Variants in KDR observed in about 807,000 individuals in gnomAD.
The protein encoded by KDR is vascular endothelial growth factor receptor 2.
In KDR, 43 loss-of-function variants were observed where a neutral mutation model predicts 160.9. The ratio of observed to expected loss-of-function variants is 0.27; its 90% CI spans 0.21 to 0.34. The LOEUF (loss-of-function observed/expected upper bound fraction) is 0.34, where lower values mean the gene tolerates loss of function less well. Ranked by LOEUF, KDR falls within the 10% of genes least tolerant of loss-of-function variation. KDR has a pLI of 1.00. For missense variants in KDR, 1,469 were observed against 1,666.4 expected, an observed-to-expected ratio of 0.88 and a Z score of 2.06; for synonymous variants, 617 against 600.1, an observed-to-expected ratio of 1.03 and a Z score of -0.41.
rs1719677692 is a variant in KDR, at chr4:55,079,640, T to C, written c.*301A>G. ...CTTCTTTGAGGATGGGGCCATTTCT[T>C]GAACGTCTTTGTTCTAAACCCATGG... On this transcript the variant is annotated 3_prime_UTR_variant, in exon 30 of 30. Transcript: ENST00000263923. 1 of 457,824 alleles carries C rather than the reference T, an allele frequency of 2.2e-6. No individual in the cohort carries two copies. The highest frequency in any genetic ancestry group is 1.9e-5 in the African/African-American group (1 of 51,428). The allele number at this position is 457,824 out of a possible 1,614,324, so 28.4% of individuals were successfully genotyped here.
In KDR at chr4:55,098,289, C is replaced by T; in HGVS notation, c.2374-17G>A. On this transcript the variant is annotated splice_polypyrimidine_tract_variant and intron_variant, in intron 16 of 29. Transcript: ENST00000263923. ...TCCATTGGCCTGGAAAGCATCAATCCTTCCAGTCATAAACACACTGTTGTT... is the reference window on the plus strand; with the variant it reads ...TCCATTGGCCTGGAAAGCATCAATCTTTCCAGTCATAAACACACTGTTGTT... The T allele has an allele frequency of 6.2e-7, 1 of 1,613,484 alleles. No homozygotes were observed. Among genetic ancestry groups the T allele is most frequent in the Non-Finnish European group, 8.5e-7 (1 of 1,179,652 alleles).
chr4:55,123,624 A>G (rs1720952727), intron 1 of KDR, among the ~76,000 whole-genome samples: 1 of 152,224 alleles, frequency 6.6e-6, no homozygotes, highest in African/African-American at 2.4e-5. Flanking sequence ...TTTTTGCTCC[A>G]TTAAATGTCA....
At chr4:55,080,843 T>C (rs1719713791) in intron 29 of KDR, among the ~76,000 whole-genome samples, 1 of 152,192 alleles carries the variant, frequency 6.6e-6, no homozygotes, top group Non-Finnish European at 1.5e-5. Context: ...AACTTCAGGA[T>C]TTACACTTTC....
At chr4:55,084,223 G>A (rs1052439105) in intron 27 of KDR, among the ~76,000 whole-genome samples, 1 of 152,194 alleles carries the variant, frequency 6.6e-6, no homozygotes, top group Non-Finnish European at 1.5e-5. Context: ...TTAGGCATGG[G>A]ATTGACAAGA....
chr4:55,088,111 C>T (rs116365404), intron 26 of KDR, among the ~76,000 whole-genome samples: 3,343 of 152,252 alleles, frequency 0.022, 122 homozygotes, highest in African/African-American at 0.076. Context: ...GAGCCAAGCC[C>T]TTCAAAGGGC....
At chr4:55,107,116 C>G (rs1434053964) in intron 10 of KDR, among the ~76,000 whole-genome samples, 2 of 152,178 alleles carry the variant, frequency 1.3e-5, no homozygotes, top group African/African-American at 4.8e-5. Context: ...AACTTAGAAG[C>G]CACTGGGCTC....
At chr4:55,113,277 A>G (rs1213262911) in intron 7 of KDR, 27 bp downstream of exon 7, 4 of 1,609,088 alleles carry the variant, frequency 2.5e-6, no homozygotes, top group Non-Finnish European at 2.6e-6. Flanking sequence ...GTCAAGGCAC[A>G]GAATAATTTC....
chr4:55,093,802 T>C (rs1720079867), intron 21 of KDR, among the ~76,000 whole-genome samples: 1 of 152,294 alleles, frequency 6.6e-6, no homozygotes, highest in South Asian at 2.1e-4. Context: ...TCCACAACGC[T>C]ATCTCTGCTC....
chr4:55,124,871 G>C (rs934561477), intron 1 of KDR, among the ~76,000 whole-genome samples: 3 of 152,116 alleles, frequency 2.0e-5, no homozygotes, highest in Non-Finnish European at 4.4e-5. Flanking sequence ...ACTTTTCACC[G>C]CCTGTTCTCG....
intron 27 of KDR, 82 bp downstream of exon 27, chr4:55,087,525 G>T: frequency 7.8e-7 from 1 of 1,279,792 alleles, no homozygotes; most frequent in Non-Finnish European, 1.1e-6. Flanking sequence ...CTTAGACAAG[G>T]TCTTCCTTCC....
intron 26 of KDR, 129 bp from the exon 27 acceptor site, chr4:55,087,887 T>G: frequency 1.2e-6 from 1 of 835,670 alleles, no homozygotes; most frequent in East Asian, 2.5e-5. Flanking sequence ...AACATAGAAC[T>G]TTAAGACAAC....
At chr4:55,112,068 A>G (rs967400665) in intron 7 of KDR, among the ~76,000 whole-genome samples, 2 of 152,226 alleles carry the variant, frequency 1.3e-5, no homozygotes, top group Non-Finnish European at 2.9e-5. Flanking sequence ...AAACTCAGAC[A>G]TTTATGTAAA....
intron 12 of KDR, 40 bp from the exon 13 acceptor site, chr4:55,105,024 C>T (rs749911227): frequency 6.7e-7 from 1 of 1,502,440 alleles, no homozygotes; most frequent in East Asian, 2.3e-5. Flanking sequence ...GGTGATTTAA[C>T]TTGGTACAGC....
At chr4:55,108,171 G>C (rs1403297823) in intron 9 of KDR, among the ~76,000 whole-genome samples, 1 of 147,688 alleles carries the variant, frequency 6.8e-6, no homozygotes, top group Non-Finnish European at 1.5e-5. Context: ...GACCAGCCTG[G>C]GCCACATGGT....
intron 27 of KDR, among the ~76,000 whole-genome samples, chr4:55,083,596 C>G (rs1400028859): frequency 6.6e-6 from 1 of 151,964 alleles, no homozygotes; most frequent in African/African-American, 2.4e-5. Flanking sequence ...CTAGTTGATG[C>G]TATCAAAATC....
rs1190899437 is a variant in KDR, at chr4:55,096,293, G to A, written c.2664C>T (p.Ile888=). 4 of 1,613,590 alleles carry A rather than the reference G, an allele frequency of 2.5e-6. No individual in the cohort carries two copies. Among genetic ancestry groups the A allele is most frequent in the Non-Finnish European group, 3.4e-6 (4 of 1,179,822 alleles). ...EHRALMSELK[I]LIHIGHHLNV... ...TGAGATGGTGACCAATATGAATGAG[G>A]ATCTTGAGTTCAGACATGAGAGCTC... is the stretch of plus-strand genomic sequence containing the variant. Residue 888 remains isoleucine, a synonymous_variant, in exon 19 of 30, where the codon ATC becomes ATT. Transcript: ENST00000263923.
chr4:55,096,591 C>T (rs1720162700), intron 18 of KDR: 1 of 531,150 alleles, frequency 1.9e-6, no homozygotes, highest in Non-Finnish European at 3.4e-6. Flanking sequence ...AAACCTTTTG[C>T]AAAGCGGAGA....
At chr4:55,090,196 C>T (rs1343168218) in intron 22 of KDR, 118 bp from the exon 23 acceptor site, 10 of 1,160,020 alleles carry the variant, frequency 8.6e-6, no homozygotes, top group Admixed American at 3.5e-5. Flanking sequence ...TTAACAAGGA[C>T]TGGGTTAGTA....
chr4:55,098,830 C>G (rs776717664), intron 15 of KDR, 27 bp from the exon 16 acceptor site: 51 of 1,502,534 alleles, frequency 3.4e-5, no homozygotes, highest in Non-Finnish European at 4.4e-5. Flanking sequence ...GAATGAGTAT[C>G]AACAGTTGGA....
Sources: gnomAD v4.1 joint callset for allele counts (sites outside exome capture counted in the v4.1 genomes callset) on GRCh38, gnomAD v4.1.1 for gene constraint, MANE v1.5 for transcripts, NCBI Gene and HGNC (gene_info 2026-07-23, HGNC 2026-07-21) for gene names.